Variants in TIAM1 observed in about 807,000 individuals in gnomAD.
TIAM1 encodes TIAM Rac1 associated GEF 1.
A neutral mutation model predicts 163.5 loss-of-function variants in TIAM1; 65 were observed. The observed-to-expected ratio is 0.40, with a 90% CI of 0.33 to 0.49. The LOEUF (loss-of-function observed/expected upper bound fraction) is 0.49. Ranked by LOEUF, TIAM1 falls within the 20% of genes least tolerant of loss-of-function variation. TIAM1 has a pLI of 0.77. For missense variants in TIAM1, 1,789 were observed against 2,044.7 expected, an observed-to-expected ratio of 0.87 and a Z score of 2.41; for synonymous variants, 833 against 810.1, an observed-to-expected ratio of 1.03 and a Z score of -0.48.
chr21:31,338,365 G>A (rs1033926917), intron 2 of TIAM1, among the ~76,000 whole-genome samples: 261 of 152,292 alleles, frequency 1.7e-3, no homozygotes, highest in African/African-American at 6.1e-3. Context: ...AACCAACATA[G>A]GAGCCCAACC....
At chr21:31,504,946 T>C (rs2046977442) in intron 1 of TIAM1, among the ~76,000 whole-genome samples, 1 of 152,186 alleles carries the variant, frequency 6.6e-6, no homozygotes, top group Admixed American at 6.6e-5. Context: ...TGACCACTTT[T>C]AAAGAAATTA....
chr21:31,284,310 C>A (rs933233361), intron 2 of TIAM1, among the ~76,000 whole-genome samples: 1 of 152,122 alleles, frequency 6.6e-6, no homozygotes, highest in African/African-American at 2.4e-5. Context: ...AAAATCAAAT[C>A]ACTTTATCCA....
chr21:31,356,732 C>T (rs2076322462), intron 2 of TIAM1, among the ~76,000 whole-genome samples: 1 of 152,188 alleles, frequency 6.6e-6, no homozygotes, highest in Non-Finnish European at 1.5e-5. Flanking sequence ...ATTATCCAGT[C>T]TGTGGTATTC....
chr21:31,347,581 C>T (rs770066088), upstream of TIAM1, among the ~76,000 whole-genome samples: 1 of 152,202 alleles, frequency 6.6e-6, no homozygotes, highest in Non-Finnish European at 1.5e-5. Flanking sequence ...TGAACTTATA[C>T]ACAAATGTAC....
At chr21:31,330,416 G>C (rs1601992879) in intron 2 of TIAM1, among the ~76,000 whole-genome samples, 2 of 152,156 alleles carry the variant, frequency 1.3e-5, no homozygotes, top group South Asian at 4.1e-4. Flanking sequence ...TTTTTGCATG[G>C]TTCTTTGTAT....
chr21:31,290,428 G>A (rs1398808151), intron 2 of TIAM1, among the ~76,000 whole-genome samples: 1 of 151,896 alleles, frequency 6.6e-6, no homozygotes, highest in Non-Finnish European at 1.5e-5. Flanking sequence ...GAGGTCCGGA[G>A]TTCAAGACCA....
At chr21:31,332,588 A>G (rs2075709796) in intron 2 of TIAM1, among the ~76,000 whole-genome samples, 1 of 151,738 alleles carries the variant, frequency 6.6e-6, no homozygotes, top group South Asian at 2.1e-4. Flanking sequence ...ACCCTCACTC[A>G]CCTCACTCAA....
At chr21:31,389,284 C>T (rs901615444) in intron 2 of TIAM1, among the ~76,000 whole-genome samples, 12 of 152,228 alleles carry the variant, frequency 7.9e-5, no homozygotes, top group African/African-American at 2.4e-4. Flanking sequence ...GGCACGATCT[C>T]AGCTTACTGC....
At chr21:31,379,266 C>G (rs1018928607) in intron 2 of TIAM1, among the ~76,000 whole-genome samples, 2 of 152,316 alleles carry the variant, frequency 1.3e-5, no homozygotes, top group African/African-American at 4.8e-5. Context: ...GCCACCTCGC[C>G]TGGCCTACAC....
At chr21:31,245,246 C>T (rs933136222) in intron 6 of TIAM1, among the ~76,000 whole-genome samples, 5 of 152,134 alleles carry the variant, frequency 3.3e-5, no homozygotes, top group Non-Finnish European at 5.9e-5. Context: ...ACATCCAACT[C>T]ATAGCCCTCC....
intron 24 of TIAM1, 109 bp from the exon 25 acceptor site, chr21:31,130,424 G>T: frequency 2.4e-6 from 2 of 822,248 alleles, no homozygotes; most frequent in Non-Finnish European, 4.0e-6. Context: ...CTCTAGGCGT[G>T]CCCAAAGGAT....
intron 2 of TIAM1, among the ~76,000 whole-genome samples, chr21:31,420,616 G>A (rs141067111): frequency 1.3e-5 from 2 of 152,290 alleles, no homozygotes; most frequent in African/African-American, 4.8e-5. Flanking sequence ...CTACATCACT[G>A]TTAGTGTTGG....
At position 31,423,872 on chromosome 21, in the gene TIAM1, G is replaced by T. The variant is rs970536553; in HGVS notation, c.-369+40111C>A. On this transcript the variant is annotated intron_variant, in intron 2 of 28. Transcript: ENST00000286827. ...TGATTATCGGGGGGGGCGGGGGGGG[G>T]GTCAAGGGAGTTGGGGAGAAATAGG... Among the ~76,000 whole-genome samples the T allele has an allele frequency of 8.4e-5, 10 of 118,682 alleles. 1 individual carries two copies. Among genetic ancestry groups the T allele is most frequent in the Admixed American group, 1.9e-4 (2 of 10,326 alleles). The allele number at this position is 118,682 out of a possible 152,430, so 77.9% of individuals were successfully genotyped here.
At chr21:31,144,320 C>T (rs2251376) in intron 20 of TIAM1, among the ~76,000 whole-genome samples, 6,890 of 152,288 alleles carry the variant, frequency 0.045, 195 homozygotes, top group Middle Eastern at 0.072. Context: ...AGGAACTCTT[C>T]CCCAACAAAA....
chr21:31,245,768 A>G (rs2071469480), intron 5 of TIAM1, 108 bp from the exon 6 acceptor site: 14 of 1,076,876 alleles, frequency 1.3e-5, no homozygotes, highest in Admixed American at 1.3e-4. Context: ...AAATTAAAGC[A>G]CGTGGAACCC....
rs1365590935 is a variant in TIAM1, at chr21:31,176,371, T to C, written c.2887+6050A>G. Among the ~76,000 whole-genome samples the C allele has an allele frequency of 5.9e-5, 9 of 152,258 alleles. No homozygotes were observed. In the East Asian group the frequency reaches 1.7e-3, roughly 29 times the overall value. Reference sequence around the variant, plus strand: ...CACTGAAGGAACTATCTTTTTGTCCTAGACATCCTTCCCTTTTTTTCCTAC... The same window carrying C: ...CACTGAAGGAACTATCTTTTTGTCCCAGACATCCTTCCCTTTTTTTCCTAC... On this transcript the variant is annotated intron_variant, in intron 15 of 27. Coordinates refer to ENST00000541036, the MANE Select transcript of TIAM1 (RefSeq NM_001353694.2).
intron 11 of TIAM1, among the ~76,000 whole-genome samples, chr21:31,209,400 A>G (rs563950915): frequency 6.6e-5 from 10 of 152,334 alleles, no homozygotes; most frequent in Non-Finnish European, 7.3e-5. Context: ...TTCACTTTGA[A>G]AAAGATCAAG....
chr21:31,144,232 C>T (rs1471047824), intron 20 of TIAM1, among the ~76,000 whole-genome samples: 3 of 152,262 alleles, frequency 2.0e-5, no homozygotes, highest in African/African-American at 7.2e-5. Flanking sequence ...AGAGCTGGGC[C>T]GGGCTGGGGG....
At chr21:31,185,613 ATAT>A (rs2085264939) in intron 14 of TIAM1, among the ~76,000 whole-genome samples, 1 of 144,678 alleles carries the variant, frequency 6.9e-6, no homozygotes, top group African/African-American at 2.5e-5. Context: ...GCTATATATT[ATAT>A]TAATATATTA....
Sources: allele counts gnomAD v4.1 joint callset (sites outside exome capture counted in the v4.1 genomes callset), GRCh38; gene constraint gnomAD v4.1.1; transcripts MANE v1.5; gene names NCBI Gene and HGNC (gene_info 2026-07-23, HGNC 2026-07-21).